The following POU2F1 variants were observed in gnomAD, a reference collection of about 807,000 sequenced individuals.
The protein encoded by POU2F1 is POU domain, class 2, transcription factor 1.
In POU2F1, 16 loss-of-function variants were observed where a neutral mutation model predicts 84.9. The ratio of observed to expected loss-of-function variants is 0.19; its 90% CI spans 0.13 to 0.29. The LOEUF (loss-of-function observed/expected upper bound fraction) is 0.29, where lower values mean the gene tolerates loss of function less well. Among genes scored for constraint, POU2F1 ranks in the 10% least tolerant of loss-of-function variants. The pLI is 1.00. For synonymous variants in POU2F1, 368 were observed against 368.3 expected, an observed-to-expected ratio of 1.00 and a Z score of 0.01; for missense variants, 738 against 942.6, an observed-to-expected ratio of 0.78 and a Z score of 2.84.
chr1:167,345,139 T>C (rs1174633979), intron 2 of POU2F1, among the ~76,000 whole-genome samples: 1 of 152,112 alleles, frequency 6.6e-6, no homozygotes, highest in East Asian at 1.9e-4. Flanking sequence ...GTAACAAGCC[T>C]GCATGTTCTA....
intron 1 of POU2F1, among the ~76,000 whole-genome samples, chr1:167,251,410 CAAATAAAT>C (rs755341509): frequency 2.6e-5 from 4 of 151,290 alleles, no homozygotes; most frequent in Non-Finnish European, 5.9e-5. Flanking sequence ...AACAAACAAA[CAAATAAAT>C]AAATAAATAA....
chr1:167,372,948 TC>T (rs1334624908), intron 5 of POU2F1, among the ~76,000 whole-genome samples: 39 of 152,086 alleles, frequency 2.6e-4, no homozygotes, highest in Non-Finnish European at 5.0e-4. Context: ...TTTCTTTCTT[TC>T]TTTTTTTCCC....
At position 167,372,030 on chromosome 1, in the gene POU2F1, A is replaced by G; in HGVS notation, c.396A>G (p.Ile132Met). 1 of 1,612,542 alleles carries G rather than the reference A, an allele frequency of 6.2e-7. No homozygotes were observed. Residue 132 changes from isoleucine to methionine, a missense_variant, in exon 5 of 16, where the codon ATA (isoleucine) becomes ATG (methionine). Physicochemically the swap from Ile to Met is conservative, Grantham distance 10. This residue lies in a region of POU2F1 where 163 missense variants were observed against 214.4 expected (regional missense o/e 0.76). Coordinates refer to ENST00000367866, the MANE Select transcript of POU2F1 (RefSeq NM_002697.4). ...AGCTTATGCTAGCTGGAGGACAGAT[A>G]ACTGGGGTAAGTGTTCACTGAGAGA... The part of the protein sequence containing the change: ...QTQLMLAGGQ[I>M]TGLTLTPAQQ...
chr1:167,373,604 T>C (rs967294666), intron 5 of POU2F1, among the ~76,000 whole-genome samples: 5 of 152,162 alleles, frequency 3.3e-5, no homozygotes, highest in African/African-American at 1.2e-4. Context: ...GTAGGGAGAC[T>C]TGGAAAAGAA....
Position 167,275,234 on chromosome 1 carries a change from C to A in POU2F1, c.61+54276C>A, listed in dbSNP as rs138949477. Reference sequence around the variant, plus strand: ...TAGTGATGGAGTCCCAGTATGTTGCCCAGAGTGATCTTGAACTCCTGGGTC... The same window carrying A: ...TAGTGATGGAGTCCCAGTATGTTGCACAGAGTGATCTTGAACTCCTGGGTC... On this transcript the variant is annotated intron_variant, in intron 1 of 15. Coordinates refer to ENST00000367866, the MANE Select transcript of POU2F1 (RefSeq NM_002697.4). 5.0e-3 allele frequency among the ~76,000 whole-genome samples: 765 copies of A among 151,884 alleles called. 5 individuals carry two copies. Among genetic ancestry groups the A allele is most frequent in the African/African-American group, 0.016 (645 of 41,398 alleles).
chr1:167,221,631 C>T (rs1315109985), intron 1 of POU2F1, among the ~76,000 whole-genome samples: 6 of 150,838 alleles, frequency 4.0e-5, no homozygotes, highest in Admixed American at 4.0e-4. Flanking sequence ...GCTCCCTGCC[C>T]GCGCCCCGCG....
rs952426375 is a variant in POU2F1 at position 167,420,921 on chromosome 1, G to A, written c.*5111G>A. The stretch of plus-strand genomic sequence containing the variant: ...TGATGAACTTAAAGTTTGTTTATTA[G>A]AGTTGAAAACATTAAAAGATGACTG... On this transcript the variant is annotated 3_prime_UTR_variant, in exon 16 of 16. Coordinates refer to ENST00000367866, the MANE Select transcript of POU2F1 (RefSeq NM_002697.4). 1 of 152,186 alleles carries A rather than the reference G, an allele frequency of 6.6e-6. No individual in the cohort carries two copies. The highest frequency in any genetic ancestry group is 1.5e-5 in the Non-Finnish European group (1 of 68,034). 9.4% of individuals were successfully genotyped at this position (152,186 alleles called of 1,614,324 possible).
At position 167,419,170 on chromosome 1, in the gene POU2F1, A is replaced by G. The variant is rs1321541770; in HGVS notation, c.*3360A>G. On this transcript the variant is annotated 3_prime_UTR_variant, in exon 16 of 16. Coordinates refer to ENST00000367866, the MANE Select transcript of POU2F1 (RefSeq NM_002697.4). ...AATTGAATGAACTATCTTCTAAGCTAAGATACTCAAATTTAACTTTTAGCC... is the reference window on the plus strand; with the variant it reads ...AATTGAATGAACTATCTTCTAAGCTGAGATACTCAAATTTAACTTTTAGCC... The G allele has an allele frequency of 6.6e-6, 1 of 152,240 alleles. No homozygotes were observed. The highest frequency in any genetic ancestry group is 2.4e-5 in the African/African-American group (1 of 41,462). The allele number at this position is 152,240 out of a possible 1,614,324, so 9.4% of individuals were successfully genotyped here. A position where few individuals can be genotyped will look rare whatever the true frequency, so the allele number is the denominator to read the frequency against.
intron 1 of POU2F1, among the ~76,000 whole-genome samples, chr1:167,265,521 G>T (rs950815868): frequency 6.6e-6 from 1 of 152,192 alleles, no homozygotes; most frequent in African/African-American, 2.4e-5. Context: ...AGCATGTGGT[G>T]AAGGTTAAAG....
chr1:167,360,216 G>A (rs910588026), intron 2 of POU2F1, among the ~76,000 whole-genome samples: 2 of 151,996 alleles, frequency 1.3e-5, no homozygotes, highest in African/African-American at 4.8e-5. Flanking sequence ...AATCCAAGTT[G>A]TCTGTTTTTA....
intron 13 of POU2F1, among the ~76,000 whole-genome samples, chr1:167,407,561 A>G (rs1649668169): frequency 6.6e-6 from 1 of 152,250 alleles, no homozygotes; most frequent in South Asian, 2.1e-4. Flanking sequence ...TATAGATTAA[A>G]TGGAACAAAA....
rs1291805804 is a variant in POU2F1, at chr1:167,253,387, C to CT, written c.61+32429_61+32430insT. On this transcript the variant is annotated intron_variant, in intron 1 of 15. Transcript: ENST00000367866. ...TTCTTTATTTTTCTGCCCCCCCCCCCCCAAACACACAGGAGAGTGGAACTT... is the reference window on the plus strand; with the variant it reads ...TTCTTTATTTTTCTGCCCCCCCCCCCTCCAAACACACAGGAGAGTGGAACTT... Among the ~76,000 whole-genome samples the CT allele has an allele frequency of 7.5e-3, 934 of 124,350 alleles. 49 individuals are homozygous for CT. The highest frequency in any genetic ancestry group is 0.027 in the African/African-American group (886 of 32,950). 81.6% of individuals were successfully genotyped at this position (124,350 alleles called of 152,430 possible).
At chr1:167,257,249 C>T (rs1651205978) in intron 1 of POU2F1, among the ~76,000 whole-genome samples, 1 of 152,128 alleles carries the variant, frequency 6.6e-6, no homozygotes, top group Non-Finnish European at 1.5e-5. Context: ...AACAGAAAGA[C>T]CAGCAGATGT....
intron 1 of POU2F1, among the ~76,000 whole-genome samples, chr1:167,250,590 A>G (rs1250697470): frequency 6.6e-6 from 1 of 152,200 alleles, no homozygotes; most frequent in African/African-American, 2.4e-5. Context: ...GATATGTACA[A>G]ATAACAAAGG....
intron 2 of POU2F1, among the ~76,000 whole-genome samples, chr1:167,360,603 A>G (rs758500717): frequency 6.6e-6 from 1 of 152,174 alleles, no homozygotes; most frequent in East Asian, 1.9e-4. Flanking sequence ...GCCTTGTAGT[A>G]TAGCTTGAAG....
intron 1 of POU2F1, among the ~76,000 whole-genome samples, chr1:167,296,410 C>T (rs1654293450): frequency 6.6e-6 from 1 of 152,022 alleles, no homozygotes; most frequent in African/African-American, 2.4e-5. Context: ...TCTGTTGGAC[C>T]TATTTTTAGG....
intron 1 of POU2F1, among the ~76,000 whole-genome samples, chr1:167,278,236 C>T (rs10800299): frequency 0.61 from 93,263 of 152,074 alleles, 30,397 homozygotes; most frequent in East Asian, 0.87. Context: ...TCATTCTTCA[C>T]GTCTCAACAC....
At chr1:167,391,559 CTTTTTTTT>C (rs1175783404) in intron 9 of POU2F1, among the ~76,000 whole-genome samples, 5 of 57,894 alleles carry the variant, frequency 8.6e-5, no homozygotes, top group African/African-American at 2.9e-4. Context: ...TTATATATAT[CTTTTTTTT>C]TTTTTTTTTT....
intron 13 of POU2F1, among the ~76,000 whole-genome samples, chr1:167,405,724 T>C (rs557629740): frequency 6.6e-6 from 1 of 152,218 alleles, no homozygotes; most frequent in African/African-American, 2.4e-5. Context: ...ATATACAACA[T>C]TTGAGCACTA....
Sources: allele counts gnomAD v4.1 joint callset (sites outside exome capture counted in the v4.1 genomes callset), GRCh38; gene constraint gnomAD v4.1.1; regional missense constraint gnomAD v4.1.1; transcripts MANE v1.5; gene names NCBI Gene and HGNC (gene_info 2026-07-23, HGNC 2026-07-21).